Variants in INSYN2B observed in about 807,000 individuals in gnomAD.
INSYN2B encodes inhibitory synaptic factor family member 2B.
Under a neutral mutation model 41.2 loss-of-function variants are expected in INSYN2B, and 16 were observed. The ratio of observed to expected loss-of-function variants is 0.39; its 90% CI spans 0.26 to 0.59. The LOEUF is 0.59. Among genes scored for constraint, INSYN2B ranks in the 20% least tolerant of loss-of-function variants. INSYN2B has a pLI of 0.57. For missense variants in INSYN2B, 608 were observed against 646.4 expected (o/e 0.94, Z 0.64); for synonymous variants, 245 against 244.4 (o/e 1.00, Z -0.02).
At chr5:169,908,899 G>A (rs1217353312) in intron 1 of INSYN2B, among the ~76,000 whole-genome samples, 2 of 151,902 alleles carry the variant, frequency 1.3e-5, no homozygotes. Context: ...AAACAACCCT[G>A]AGGCATTAGC....
At chr5:169,961,067 T>C (rs1232508047) in intron 1 of INSYN2B, among the ~76,000 whole-genome samples, 1 of 152,220 alleles carries the variant, frequency 6.6e-6, no homozygotes, top group Non-Finnish European at 1.5e-5. Flanking sequence ...GTATATTGCA[T>C]GAGTGAGTGA....
At chr5:169,978,330 C>A (rs1214052621) in intron 1 of INSYN2B, among the ~76,000 whole-genome samples, 1 of 136,122 alleles carries the variant, frequency 7.3e-6, no homozygotes, top group Non-Finnish European at 1.5e-5. Flanking sequence ...AACTGGTAGC[C>A]TTTCCCTCAG....
At chr5:169,906,532 A>G (rs755268733) in intron 1 of INSYN2B, among the ~76,000 whole-genome samples, 1 of 152,110 alleles carries the variant, frequency 6.6e-6, no homozygotes, top group Admixed American at 6.5e-5. Context: ...GGGTCTCCCT[A>G]TGTTTCCCAG....
chr5:169,867,431 GTCTGTCTA>G (rs1399532023), intron 3 of INSYN2B, among the ~76,000 whole-genome samples: 126 of 131,648 alleles, frequency 9.6e-4, no homozygotes, highest in East Asian at 2.9e-3. Flanking sequence ...CTGTCTGTCT[GTCTGTCTA>G]TCTATCTATC....
At chr5:169,876,369 A>G (rs1772334532) in intron 3 of INSYN2B, among the ~76,000 whole-genome samples, 1 of 152,242 alleles carries the variant, frequency 6.6e-6, no homozygotes, top group South Asian at 2.1e-4. Flanking sequence ...GACATTTAGC[A>G]AGAGAACCTG....
chr5:169,870,566 G>GT (rs1771891191), intron 3 of INSYN2B, among the ~76,000 whole-genome samples: 1 of 151,190 alleles, frequency 6.6e-6, no homozygotes, highest in Non-Finnish European at 1.5e-5. Context: ...TAGATCTGTG[G>GT]GTTTTTTTCT....
chr5:169,972,874 G>C (rs762493361), intron 1 of INSYN2B, among the ~76,000 whole-genome samples: 5 of 152,120 alleles, frequency 3.3e-5, no homozygotes, highest in Non-Finnish European at 7.4e-5. Flanking sequence ...GCAATGCAGA[G>C]TTTGCAAAGG....
chr5:169,964,843 G>T (rs554402499), intron 1 of INSYN2B, among the ~76,000 whole-genome samples: 39 of 152,354 alleles, frequency 2.6e-4, no homozygotes, highest in African/African-American at 8.7e-4. Flanking sequence ...AGGATTCAAA[G>T]GGGGAACTGC....
Position 169,864,017 on chromosome 5 carries a change from G to T in INSYN2B, c.*256C>A, listed in dbSNP as rs1488216496. On this transcript the variant is annotated 3_prime_UTR_variant, in exon 4 of 4. Coordinates refer to ENST00000377365, the MANE Select transcript of INSYN2B (RefSeq NM_001129891.3). ...AAAACTCAGCATGAGTTCTGGCTGA[G>T]TGTGACAGGGAACTTGGCAAGCGGT... Among the ~76,000 whole-genome samples the T allele has an allele frequency of 6.6e-6, 1 of 152,200 alleles. No homozygotes were observed. Among genetic ancestry groups the T allele is most frequent in the Non-Finnish European group, 1.5e-5 (1 of 68,040 alleles).
Position 169,883,869 on chromosome 5 carries a change from A to G in INSYN2B, c.30T>C (p.Pro10=). The change falls in exon 2 of 4, where the codon CCT becomes CCC. Residue 10 remains proline, a synonymous_variant. Coordinates refer to ENST00000377365, the MANE Select transcript of INSYN2B (RefSeq NM_001129891.3). MAQQNMKVR[P]VLLKRNSLES... ...CTAGACTGTTACGCTTTAGAAGCAC[A>G]GGTCTCACTTTCATATTTTGCTGGG... 1 of 1,517,662 alleles carries G rather than the reference A, an allele frequency of 6.6e-7. No individual in the cohort carries two copies. Among genetic ancestry groups the G allele is most frequent in the Non-Finnish European group, 8.9e-7 (1 of 1,129,088 alleles). The allele number at this position is 1,517,662 out of a possible 1,614,324, so 94.0% of individuals were successfully genotyped here.
intron 1 of INSYN2B, among the ~76,000 whole-genome samples, chr5:169,901,244 A>AC (rs1773907148): frequency 6.6e-6 from 1 of 152,166 alleles, no homozygotes; most frequent in Admixed American, 6.5e-5. Context: ...TGATGCAAGA[A>AC]AGGTATTTGG....
chr5:169,864,454 T>A lies in INSYN2B; in HGVS notation c.1427A>T (p.Glu476Val). 1 of 1,534,392 alleles carries A rather than the reference T, an allele frequency of 6.5e-7. No homozygotes were observed. Among genetic ancestry groups the A allele is most frequent in the Non-Finnish European group, 8.8e-7 (1 of 1,139,334 alleles). The change falls in exon 4 of 4, where the codon GAG becomes GTG. Residue 476 changes from glutamate to valine, a missense_variant. By Grantham distance (121) the Glu-to-Val change is moderately radical (BLOSUM62 -2). Transcript: ENST00000377365. ...GCCTTCCTGCTGCCGAAAATCATAC[T>A]CTACACTGAAAAACACAGAGAGGAA... Reference protein sequence around the residue: ...QNTACIIYSVEYDFRQQEGRF... With the variant: ...QNTACIIYSVVYDFRQQEGRF...
At chr5:169,967,225 G>T (rs1777334046) in intron 1 of INSYN2B, among the ~76,000 whole-genome samples, 1 of 152,186 alleles carries the variant, frequency 6.6e-6, no homozygotes, top group Admixed American at 6.5e-5. Flanking sequence ...TCAGAGGAGG[G>T]CCCTGACCAC....
chr5:169,902,987 A>G (rs1023299424), intron 1 of INSYN2B, among the ~76,000 whole-genome samples: 3 of 151,952 alleles, frequency 2.0e-5, no homozygotes, highest in Middle Eastern at 3.2e-3. Flanking sequence ...AGTCCCAGCT[A>G]CTCGGGAGGC....
chr5:169,939,108 A>G (rs1236690722), intron 1 of INSYN2B, among the ~76,000 whole-genome samples: 1 of 151,438 alleles, frequency 6.6e-6, no homozygotes, highest in African/African-American at 2.4e-5. Flanking sequence ...GTTTCACCGC[A>G]TTAGCCAGGA....
At chr5:169,978,833 T>C (rs1043168490) in intron 1 of INSYN2B, among the ~76,000 whole-genome samples, 1 of 152,174 alleles carries the variant, frequency 6.6e-6, no homozygotes, top group African/African-American at 2.4e-5. Flanking sequence ...ATTGCACTTA[T>C]TTTTACACGT....
intron 3 of INSYN2B, among the ~76,000 whole-genome samples, chr5:169,867,486 A>G (rs1391260082): frequency 2.0e-5 from 3 of 151,708 alleles, no homozygotes; most frequent in Admixed American, 6.6e-5. Context: ...TCTATCATCT[A>G]TCTAATCTAT....
chr5:169,955,892 C>T (rs1479245499), intron 1 of INSYN2B, among the ~76,000 whole-genome samples: 1 of 152,192 alleles, frequency 6.6e-6, no homozygotes, highest in African/African-American at 2.4e-5. Context: ...AGACATGGCT[C>T]ATTGTACTGC....
At chr5:169,907,998 C>T (rs1322787751) in intron 1 of INSYN2B, among the ~76,000 whole-genome samples, 2 of 152,200 alleles carry the variant, frequency 1.3e-5, no homozygotes, top group Admixed American at 6.5e-5. Flanking sequence ...GAAGTGTTGT[C>T]TTTATCTCCT....
Sources: allele counts gnomAD v4.1 joint callset (sites outside exome capture counted in the v4.1 genomes callset), GRCh38; gene constraint gnomAD v4.1.1; transcripts MANE v1.5; gene names NCBI Gene and HGNC (gene_info 2026-07-23, HGNC 2026-07-21).